NEIL3: variants seen among roughly 807,000 people sequenced by gnomAD.
NEIL3 encodes the protein endonuclease 8-like 3.
Under a neutral mutation model 57.5 loss-of-function variants are expected in NEIL3, and 48 were observed. The observed-to-expected ratio is 0.83, with a 90% CI of 0.66 to 1.06. The LOEUF (loss-of-function observed/expected upper bound fraction) is 1.06. NEIL3 is among the 50% of genes least tolerant of loss of function. The pLI, the probability that NEIL3 is intolerant of heterozygous loss-of-function variation, is 0.00. For synonymous variants in NEIL3, 261 were observed against 253.2 expected, an observed-to-expected ratio of 1.03 and a Z score of -0.29; for missense variants, 717 against 739.1, an observed-to-expected ratio of 0.97 and a Z score of 0.35.
chr4:177,353,894 T>G (rs988967973), intron 8 of NEIL3, 166 bp downstream of exon 8: 23 of 616,836 alleles, frequency 3.7e-5, no homozygotes, highest in African/African-American at 5.6e-5. Context: ...GCCTCCCAAG[T>G]AGCTGAGATT....
chr4:177,316,340 CAG>C (rs1164375402), intron 1 of NEIL3, among the ~76,000 whole-genome samples: 1 of 152,104 alleles, frequency 6.6e-6, no homozygotes, highest in Non-Finnish European at 1.5e-5. Context: ...TTGCTAAACA[CAG>C]AGGAACTCCT....
intron 2 of NEIL3, among the ~76,000 whole-genome samples, chr4:177,335,080 G>A (rs1209099938): frequency 6.6e-6 from 1 of 151,952 alleles, no homozygotes; most frequent in Non-Finnish European, 1.5e-5. Context: ...ATAGCATTTT[G>A]ACTTGTTCTC....
intron 8 of NEIL3, among the ~76,000 whole-genome samples, chr4:177,356,480 T>G (rs576049193): frequency 1.6e-3 from 247 of 152,316 alleles, no homozygotes; most frequent in African/African-American, 5.4e-3. Context: ...ACCCAGCTAC[T>G]TTACAAGGAA....
intron 5 of NEIL3, 42 bp downstream of exon 5, chr4:177,339,899 A>G: frequency 7.1e-7 from 1 of 1,404,684 alleles, no homozygotes; most frequent in African/African-American, 1.4e-5. Flanking sequence ...GTAAAATGTC[A>G]GTGGTTTCCT....
At chr4:177,360,124 G>T (rs1735578872) in intron 8 of NEIL3, among the ~76,000 whole-genome samples, 1 of 152,202 alleles carries the variant, frequency 6.6e-6, no homozygotes, top group Non-Finnish European at 1.5e-5. Flanking sequence ...TTTGGGGCCA[G>T]TGGGAATGGA....
intron 8 of NEIL3, 58 bp from the exon 9 acceptor site, chr4:177,360,445 G>A: frequency 8.0e-6 from 10 of 1,245,780 alleles, no homozygotes; most frequent in Non-Finnish European, 9.9e-6. Flanking sequence ...GGGTAAAGTG[G>A]TGTGAATGGT....
chr4:177,322,362 G>C, intron 1 of NEIL3, 97 bp from the exon 2 acceptor site: 2 of 1,488,234 alleles, frequency 1.3e-6, no homozygotes, highest in South Asian at 1.2e-5. Context: ...ATGCACCTGG[G>C]CGTGAAGTAA....
At position 177,322,599 on chromosome 4, in the gene NEIL3, A is replaced by G. The variant is rs1345124272; in HGVS notation, c.278+19A>G. ...CTTTACGGTAAGATAAGCCTGTACG[A>G]TACATCTTATCTCTCTATATTTAAA... is the stretch of plus-strand genomic sequence containing the variant. On this transcript the variant is annotated intron_variant, in intron 2 of 9. Transcript: ENST00000264596. The G allele has an allele frequency of 8.1e-6, 13 of 1,613,582 alleles. No homozygotes were observed. The highest frequency in any genetic ancestry group is 1.1e-5 in the Non-Finnish European group (13 of 1,179,580).
rs759581403 is a variant in NEIL3 at position 177,353,716 on chromosome 4, GATA to G, written c.1449_1451del (p.Tyr484del). On this transcript the variant is annotated inframe_deletion, in exon 8 of 10. Coordinates refer to ENST00000264596, the MANE Select transcript of NEIL3 (RefSeq NM_018248.3). ...CCAGAGCTTAAAAGCTGCAACCCTG[GATA>G]TTCTAACAGGTATGATGCTTTTAAC... The G allele has an allele frequency of 1.2e-5, 20 of 1,609,650 alleles. No homozygotes were observed. The African/African-American group carries it at 2.6e-4, about 21-fold the overall frequency.
intron 2 of NEIL3, among the ~76,000 whole-genome samples, chr4:177,331,612 AC>A (rs1256692551): frequency 1.4e-4 from 21 of 152,186 alleles, no homozygotes; most frequent in Middle Eastern, 3.4e-3. Flanking sequence ...ATCTCTTGAT[AC>A]TTTTTTAATC....
intron 2 of NEIL3, among the ~76,000 whole-genome samples, chr4:177,326,904 G>A (rs1201424744): frequency 6.6e-6 from 1 of 152,088 alleles, no homozygotes; most frequent in East Asian, 1.9e-4. Flanking sequence ...CAACCTTGCT[G>A]ATATGATCTG....
Position 177,353,888 on chromosome 4 carries a change from C to T in NEIL3, c.1460+160C>T, listed in dbSNP as rs1197624756. 4 of 635,262 alleles carry T rather than the reference C, an allele frequency of 6.3e-6. No homozygotes were observed. The East Asian group carries it at 1.1e-4, about 18-fold the overall frequency. The allele number at this position is 635,262 out of a possible 1,614,324, so 39.4% of individuals were successfully genotyped here. A position where few individuals can be genotyped will look rare whatever the true frequency, so the allele number is the denominator to read the frequency against. On this transcript the variant is annotated intron_variant, in intron 8 of 9. Transcript: ENST00000264596. Reference sequence around the variant, plus strand: ...TCAAGCGATTCTCCTGCCTCAGCCTCCCAAGTAGCTGAGATTACAGGCACA... The same window carrying T: ...TCAAGCGATTCTCCTGCCTCAGCCTTCCAAGTAGCTGAGATTACAGGCACA...
chr4:177,339,563 G>A (rs1735048200), intron 4 of NEIL3, among the ~76,000 whole-genome samples: 1 of 152,202 alleles, frequency 6.6e-6, no homozygotes. Context: ...AATAGATTGA[G>A]GAGGAAGAGG....
In NEIL3 at chr4:177,360,622, G is replaced by C; in HGVS notation, c.1580G>C (p.Gly527Ala). The C allele has an allele frequency of 6.2e-7, 1 of 1,613,818 alleles. No homozygotes were observed. The change falls in exon 9 of 10, where the codon GGC (glycine) becomes GCC (alanine). Residue 527 changes from glycine to alanine, a missense_variant. Gly to Ala is a moderately conservative substitution (Grantham distance 60, BLOSUM62 0). Transcript: ENST00000264596. ...GTGGGGAAGGATGGGGAAAACAAGG[G>C]CAGGCAGTTTTATGCCTGTCCTCTA... Reference protein sequence around the residue: ...RVVGKDGENKGRQFYACPLPR... With the variant: ...RVVGKDGENKARQFYACPLPR...
chr4:177,329,910 T>C (rs1265055380), intron 2 of NEIL3, among the ~76,000 whole-genome samples: 3 of 151,688 alleles, frequency 2.0e-5, no homozygotes, highest in African/African-American at 7.3e-5. Context: ...CCTAGAAAAA[T>C]CTTTTTTTTT....
intron 1 of NEIL3, among the ~76,000 whole-genome samples, chr4:177,319,574 AC>A (rs1445587465): frequency 2.0e-5 from 3 of 151,962 alleles, no homozygotes; most frequent in Non-Finnish European, 2.9e-5. Flanking sequence ...TGCACACTAT[AC>A]CCAATGTGTA....
rs34353849 is a variant in NEIL3 at position 177,320,466 on chromosome 4, CTTTTTTTTTTTTTTTT to C, written c.157-1979_157-1964del. Among the ~76,000 whole-genome samples the C allele has an allele frequency of 3.4e-4, 26 of 77,456 alleles. No individual in the cohort carries two copies. The East Asian group carries it at 3.8e-3, about 11-fold the overall frequency. 50.8% of individuals were successfully genotyped at this position (77,456 alleles called of 152,430 possible). On this transcript the variant is annotated intron_variant, in intron 1 of 9. Coordinates refer to ENST00000264596, the MANE Select transcript of NEIL3 (RefSeq NM_018248.3). The stretch of plus-strand genomic sequence containing the variant: ...GTGCAGAACAGGAAGTGACTGCTGT[CTTTTTTTTTTTTTTTT>C]TTTTTTTTTTTTTGAAACGGAGTCT...
At chr4:177,370,813 A>T in the NEIL3 span, among the ~76,000 whole-genome samples, 2 of 152,106 alleles carry the variant, frequency 1.3e-5, no homozygotes, top group Non-Finnish European at 2.9e-5. Flanking sequence ...AGGTGGGAGG[A>T]TCACTTGAGC....
intron 8 of NEIL3, among the ~76,000 whole-genome samples, chr4:177,355,270 AGGAGTTAC>A (rs1214037360): frequency 3.3e-5 from 5 of 152,210 alleles, no homozygotes; most frequent in Admixed American, 6.5e-5. Flanking sequence ...CAGGCAGAGA[AGGAGTTAC>A]AGTCATCCCT....
Sources: allele counts gnomAD v4.1 joint callset (sites outside exome capture counted in the v4.1 genomes callset), GRCh38; gene constraint gnomAD v4.1.1; transcripts MANE v1.5; gene names NCBI Gene and HGNC (gene_info 2026-07-23, HGNC 2026-07-21).